The following DAB1 variants were observed in gnomAD, a reference collection of about 807,000 sequenced individuals.
DAB1 encodes disabled homolog 1.
A neutral mutation model predicts 64.6 loss-of-function variants in DAB1; 15 were observed. The observed-to-expected ratio is 0.23, with a 90% CI of 0.16 to 0.36. The LOEUF (loss-of-function observed/expected upper bound fraction) is 0.36, where lower values mean the gene tolerates loss of function less well. DAB1 is among the 10% of genes least tolerant of loss of function. DAB1 has a pLI of 1.00. For synonymous variants in DAB1, 235 were observed against 251.9 expected, an observed-to-expected ratio of 0.93 and a Z score of 0.64; for missense variants, 596 against 706.7, an observed-to-expected ratio of 0.84 and a Z score of 1.78.
At chr1:57,823,034 G>A (rs1367013798), downstream of DAB1, among the ~76,000 whole-genome samples, 1 of 149,346 alleles carries the variant, frequency 6.7e-6, no homozygotes, top group Non-Finnish European at 1.5e-5. Context: ...ACCCAGGCTG[G>A]AGTGCAGTGG....
At chr1:57,439,420 T>TTTTTTTTTTTTTTTTTTTTTG (rs1363390519) in intron 7 of DAB1, among the ~76,000 whole-genome samples, 4 of 118,638 alleles carry the variant, frequency 3.4e-5, no homozygotes, top group South Asian at 2.9e-4. Context: ...GTGATGAGGT[T>TTTTTTTTTTTTTTTTTTTTTG]TTTTCTTTTT....
chr1:58,455,080 TG>T (rs1014405462), intron 3 of DAB1, among the ~76,000 whole-genome samples: 3 of 152,218 alleles, frequency 2.0e-5, no homozygotes, highest in African/African-American at 7.2e-5. Context: ...TGTCTATATT[TG>T]AGTTCTTCCA....
At chr1:57,631,595 A>G (rs748803463) in intron 7 of DAB1, among the ~76,000 whole-genome samples, 1 of 152,234 alleles carries the variant, frequency 6.6e-6, no homozygotes, top group Non-Finnish European at 1.5e-5. Context: ...TGATGTTTAT[A>G]GTATCTATAT....
At chr1:58,303,065 G>C (rs1192355384) in intron 4 of DAB1, among the ~76,000 whole-genome samples, 1 of 152,114 alleles carries the variant, frequency 6.6e-6, no homozygotes, top group Non-Finnish European at 1.5e-5. Flanking sequence ...GCTGGACTCA[G>C]CCAACAAGAG....
At chr1:58,245,749 C>G (rs1570534879) in intron 4 of DAB1, among the ~76,000 whole-genome samples, 1 of 152,158 alleles carries the variant, frequency 6.6e-6, no homozygotes, top group East Asian at 1.9e-4. Context: ...ATTAAGCAAA[C>G]AATTTTTAAT....
At chr1:57,311,966 T>A (rs1045310549) in intron 1 of DAB1, among the ~76,000 whole-genome samples, 7 of 152,318 alleles carry the variant, frequency 4.6e-5, no homozygotes, top group Middle Eastern at 3.4e-3. Flanking sequence ...AAATTTCTCA[T>A]CTCTGAAATG....
chr1:58,318,230 T>C (rs1477334718), intron 4 of DAB1, among the ~76,000 whole-genome samples: 1 of 152,156 alleles, frequency 6.6e-6, no homozygotes, highest in African/African-American at 2.4e-5. Context: ...TACAAGCAAG[T>C]CAGATCTGAG....
At chr1:58,481,134 G>T in intron 3 of DAB1, 1 of 866,160 alleles carries the variant, frequency 1.2e-6, no homozygotes, top group East Asian at 2.4e-5. Context: ...GTCTGGATTA[G>T]ACAGTGGTGG....
intron 7 of DAB1, among the ~76,000 whole-genome samples, chr1:57,460,948 A>C (rs56252125): frequency 0.042 from 6,411 of 152,250 alleles, 213 homozygotes; most frequent in East Asian, 0.17. Context: ...GGTTTGTTAC[A>C]TAGGTAAACG....
intron 1 of DAB1, among the ~76,000 whole-genome samples, chr1:58,529,929 G>C (rs2100471779): frequency 1.3e-5 from 2 of 152,006 alleles, no homozygotes; most frequent in Non-Finnish European, 2.9e-5. Flanking sequence ...CGCCCAGGCT[G>C]GAGTGCAGTG....
intron 4 of DAB1, among the ~76,000 whole-genome samples, chr1:58,233,923 G>A (rs1183657489): frequency 6.6e-6 from 1 of 152,132 alleles, no homozygotes; most frequent in Non-Finnish European, 1.5e-5. Context: ...TTCCAGAACG[G>A]CAAGCTATTG....
At chr1:58,091,555 A>G (rs1450309700) in intron 5 of DAB1, among the ~76,000 whole-genome samples, 2 of 152,218 alleles carry the variant, frequency 1.3e-5, no homozygotes, top group African/African-American at 4.8e-5. Flanking sequence ...AAGTTAAGCA[A>G]CATCCACAAG....
intron 1 of DAB1, among the ~76,000 whole-genome samples, chr1:57,372,105 C>T (rs374452449): frequency 2.6e-5 from 4 of 152,188 alleles, no homozygotes; most frequent in East Asian, 3.9e-4. Flanking sequence ...TCTACAGAAT[C>T]GAAGACAAAT....
At chr1:58,188,942 A>G (rs1410896507) in intron 4 of DAB1, among the ~76,000 whole-genome samples, 3 of 152,350 alleles carry the variant, frequency 2.0e-5, no homozygotes, top group South Asian at 2.1e-4. Flanking sequence ...GTATTTATAC[A>G]CCACAGCCAC....
In DAB1 at chr1:57,609,053, G is replaced by A. The variant is rs191321870; in HGVS notation, n.625+40539C>T. Reference sequence around the variant, plus strand: ...GTGCCTTACACTCCCCAGTTTAGCCGGGTCCAACTCCCTCTGACCTTATAT... The same window carrying A: ...GTGCCTTACACTCCCCAGTTTAGCCAGGTCCAACTCCCTCTGACCTTATAT... On this transcript the variant is annotated intron_variant and non_coding_transcript_variant, in intron 7 of 20. Transcript: ENST00000485760. Among the ~76,000 whole-genome samples the A allele has an allele frequency of 2.0e-3, 303 of 152,170 alleles. 2 individuals carry two copies. Among genetic ancestry groups the A allele is most frequent in the Middle Eastern group, 0.017 (5 of 294 alleles).
rs567439981 is a variant in DAB1, at chr1:57,639,366, G to T, written n.625+10226C>A. 3.7e-4 allele frequency among the ~76,000 whole-genome samples: 54 copies of T among 144,030 alleles called. 1 individual carries two copies. The highest frequency in any genetic ancestry group is 6.1e-4 in the African/African-American group (24 of 39,526). The allele number at this position is 144,030 out of a possible 152,430, so 94.5% of individuals were successfully genotyped here. A position where few individuals can be genotyped will look rare whatever the true frequency, so the allele number is the denominator to read the frequency against. Reference sequence around the variant, plus strand: ...ATAACTTTATAAAGTTCTTTATAAAGAACTTTAGTAAATAACTTTATAAAG... The same window carrying T: ...ATAACTTTATAAAGTTCTTTATAAATAACTTTAGTAAATAACTTTATAAAG... On this transcript the variant is annotated intron_variant and non_coding_transcript_variant, in intron 7 of 20. Coordinates refer to the DAB1 transcript ENST00000485760.
At chr1:57,168,907 A>G (rs1661461466) in intron 2 of DAB1, among the ~76,000 whole-genome samples, 1 of 152,052 alleles carries the variant, frequency 6.6e-6, no homozygotes, top group Non-Finnish European at 1.5e-5. Context: ...AATTTAAAAA[A>G]TTAGCAAGGC....
At chr1:57,303,320 G>T (rs1385239133) in intron 1 of DAB1, among the ~76,000 whole-genome samples, 1 of 152,152 alleles carries the variant, frequency 6.6e-6, no homozygotes, top group Non-Finnish European at 1.5e-5. Context: ...CATGGCAAAG[G>T]AGTTGTATGT....
intron 5 of DAB1, among the ~76,000 whole-genome samples, chr1:58,024,098 T>C (rs10889077): frequency 0.046 from 7,013 of 152,286 alleles, 550 homozygotes; most frequent in African/African-American, 0.16. Flanking sequence ...TTCCTGTTAG[T>C]AGCATTAAGT....
Sources: gnomAD v4.1 joint callset for allele counts (sites outside exome capture counted in the v4.1 genomes callset) on GRCh38, gnomAD v4.1.1 for gene constraint, MANE v1.5 for transcripts, NCBI Gene and HGNC (gene_info 2026-07-23, HGNC 2026-07-21) for gene names.